Variants in RABGAP1L observed in about 807,000 individuals in gnomAD.
RABGAP1L encodes rab GTPase-activating protein 1-like.
A neutral mutation model predicts 137.7 loss-of-function variants in RABGAP1L; 63 were observed. The observed-to-expected ratio is 0.46, with a 90% CI of 0.37 to 0.56. The LOEUF is 0.56. Ranked by LOEUF, RABGAP1L falls within the 20% of genes least tolerant of loss-of-function variation. The pLI is 0.00. For synonymous variants in RABGAP1L, 431 were observed against 433.7 expected, an observed-to-expected ratio of 0.99 and a Z score of 0.08; for missense variants, 1,095 against 1,244.0, an observed-to-expected ratio of 0.88 and a Z score of 1.80.
intron 13 of RABGAP1L, among the ~76,000 whole-genome samples, chr1:174,463,468 C>A (rs1656941063): frequency 6.8e-6 from 1 of 147,412 alleles, no homozygotes. Context: ...ACAATGAGAT[C>A]ACATGGACAC....
At chr1:174,427,361 G>C (rs1399374917) in intron 13 of RABGAP1L, among the ~76,000 whole-genome samples, 1 of 151,760 alleles carries the variant, frequency 6.6e-6, no homozygotes, top group Non-Finnish European at 1.5e-5. Flanking sequence ...ATTTCTTACC[G>C]GGCTTCTGCC....
intron 19 of RABGAP1L, among the ~76,000 whole-genome samples, chr1:174,896,312 T>A (rs1410081539): frequency 6.6e-6 from 1 of 152,246 alleles, no homozygotes; most frequent in Non-Finnish European, 1.5e-5. Context: ...TAAATTTGTT[T>A]GAGTTCTTTG....
chr1:174,317,687 T>G (rs1010707965), intron 11 of RABGAP1L, among the ~76,000 whole-genome samples: 2 of 152,188 alleles, frequency 1.3e-5, no homozygotes, highest in African/African-American at 4.8e-5. Flanking sequence ...GTCCACTGTC[T>G]CTGGGCCTAG....
chr1:174,407,709 T>A lies in RABGAP1L; in HGVS notation c.1710+13564T>A, dbSNP rs1649437942. On this transcript the variant is annotated intron_variant, in intron 13 of 25. Transcript: ENST00000681986. ...ATCCGCAGCTGCAGACTTCAGTGTG[T>A]GGTACTTATTCAGAATTCAGCTTTT... Among the ~76,000 whole-genome samples, 3 of 152,284 alleles carry A rather than the reference T, an allele frequency of 2.0e-5. No homozygotes were observed. In the South Asian group the frequency reaches 6.2e-4, roughly 32 times the overall value.
intron 11 of RABGAP1L, among the ~76,000 whole-genome samples, chr1:174,314,244 G>T (rs1235710247): frequency 1.8e-4 from 28 of 152,122 alleles, no homozygotes; most frequent in Admixed American, 1.8e-3. Flanking sequence ...TTGGTAGGTT[G>T]TATGTGTCTA....
intron 19 of RABGAP1L, among the ~76,000 whole-genome samples, chr1:174,950,588 G>T (rs761245606): frequency 7.9e-5 from 12 of 152,158 alleles, no homozygotes; most frequent in Non-Finnish European, 1.6e-4. Context: ...TCCAGATCTT[G>T]ATAAGTCCTT....
At chr1:174,770,578 C>G (rs1686036750) in intron 18 of RABGAP1L, among the ~76,000 whole-genome samples, 3 of 152,180 alleles carry the variant, frequency 2.0e-5, no homozygotes, top group Admixed American at 2.0e-4. Context: ...CTAAGAAATA[C>G]AAGCTCCCTT....
chr1:174,689,702 CCAA>C (rs1036861530), intron 15 of RABGAP1L, among the ~76,000 whole-genome samples: 4 of 152,154 alleles, frequency 2.6e-5, no homozygotes, highest in South Asian at 2.1e-4. Flanking sequence ...AACAACACCA[CCAA>C]CAACTCCCTC....
intron 13 of RABGAP1L, among the ~76,000 whole-genome samples, chr1:174,541,493 A>G (rs994288756): frequency 3.3e-5 from 5 of 152,168 alleles, no homozygotes; most frequent in African/African-American, 4.8e-5. Context: ...AAGAGTTTTT[A>G]GGCCGGGTGC....
At chr1:174,889,192 C>T (rs971315098) in intron 19 of RABGAP1L, among the ~76,000 whole-genome samples, 15 of 150,242 alleles carry the variant, frequency 1.0e-4, no homozygotes, top group Non-Finnish European at 1.9e-4. Context: ...AGCATGATCT[C>T]GGCTCACTTC....
intron 13 of RABGAP1L, among the ~76,000 whole-genome samples, chr1:174,605,146 C>G (rs1670692527): frequency 7.0e-6 from 1 of 143,798 alleles, no homozygotes; most frequent in Admixed American, 6.6e-5. Flanking sequence ...GTCTCAAAAC[C>G]AAACCAAAAC....
chr1:174,900,445 G>GT (rs1410192388), intron 19 of RABGAP1L, among the ~76,000 whole-genome samples: 2 of 152,216 alleles, frequency 1.3e-5, no homozygotes, highest in African/African-American at 4.8e-5. Flanking sequence ...GTTGCTTGGT[G>GT]TGTGTGGTCT....
At chr1:174,729,432 C>T (rs1426993761) in intron 17 of RABGAP1L, among the ~76,000 whole-genome samples, 1 of 152,166 alleles carries the variant, frequency 6.6e-6, no homozygotes, top group Non-Finnish European at 1.5e-5. Context: ...GAATTTATGA[C>T]TAAGTCCTCA....
chr1:174,610,171 C>T (rs550511348), intron 13 of RABGAP1L, among the ~76,000 whole-genome samples: 99 of 150,624 alleles, frequency 6.6e-4, no homozygotes, highest in South Asian at 4.2e-3. Context: ...CGTCATTTAG[C>T]ATTAGGTATA....
chr1:174,366,778 G>GAAAAAAAAA (rs71117562), intron 11 of RABGAP1L, among the ~76,000 whole-genome samples: 10 of 94,760 alleles, frequency 1.1e-4, no homozygotes, highest in African/African-American at 2.9e-4. Flanking sequence ...CCGTCTCCAG[G>GAAAAAAAAA]AAAAAAAAAA....
At chr1:174,622,491 T>G (rs1232233603) in intron 13 of RABGAP1L, among the ~76,000 whole-genome samples, 2 of 152,202 alleles carry the variant, frequency 1.3e-5, no homozygotes, top group Non-Finnish European at 2.9e-5. Flanking sequence ...TAAGAAAATG[T>G]GGCACATATA....
intron 13 of RABGAP1L, among the ~76,000 whole-genome samples, chr1:174,525,847 C>T (rs919318722): frequency 6.6e-6 from 1 of 152,054 alleles, no homozygotes; most frequent in Non-Finnish European, 1.5e-5. Context: ...CATGAAGGGA[C>T]ATTGAATTTT....
At chr1:174,812,965 C>T (rs1274759761) in intron 19 of RABGAP1L, among the ~76,000 whole-genome samples, 1 of 152,104 alleles carries the variant, frequency 6.6e-6, no homozygotes, top group Non-Finnish European at 1.5e-5. Flanking sequence ...GCCAGTGCAG[C>T]TGGAGTGAAG....
At chr1:174,478,214 G>C (rs941761371) in intron 13 of RABGAP1L, among the ~76,000 whole-genome samples, 1 of 151,508 alleles carries the variant, frequency 6.6e-6, no homozygotes, top group African/African-American at 2.4e-5. Flanking sequence ...AAATTCAAGG[G>C]GACTATCTCT....
Sources: allele counts gnomAD v4.1 joint callset (sites outside exome capture counted in the v4.1 genomes callset), GRCh38; gene constraint gnomAD v4.1.1; transcripts MANE v1.5; gene names NCBI Gene and HGNC (gene_info 2026-07-23, HGNC 2026-07-21).